EPHA3: variants seen among roughly 807,000 people sequenced by gnomAD.
The protein encoded by EPHA3 is EPH receptor A3.
EPHA3 carries 42 observed loss-of-function variants against 107.1 expected under a neutral mutation model. The ratio of observed to expected loss-of-function variants is 0.39; its 90% CI spans 0.31 to 0.51. The LOEUF (loss-of-function observed/expected upper bound fraction) is 0.51. EPHA3 is among the 20% of genes least tolerant of loss of function. The pLI is 0.78. For synonymous variants in EPHA3, 461 were observed against 424.8 expected (o/e 1.09, Z -1.05); for missense variants, 1,183 against 1,211.2 (o/e 0.98, Z 0.35).
intron 5 of EPHA3, among the ~76,000 whole-genome samples, chr3:89,345,396 A>G (rs1402638950): frequency 2.0e-5 from 3 of 151,246 alleles, no homozygotes; most frequent in Non-Finnish European, 4.4e-5. Context: ...AATTTCTATC[A>G]AAAAATTGGA....
chr3:89,416,371 C>A (rs904191068), intron 10 of EPHA3, among the ~76,000 whole-genome samples: 7 of 151,426 alleles, frequency 4.6e-5, no homozygotes, highest in Non-Finnish European at 1.5e-5. Flanking sequence ...TTGAATAAGA[C>A]AATATAAAAC....
At chr3:89,454,841 T>TA (rs1321263747) in intron 15 of EPHA3, among the ~76,000 whole-genome samples, 2 of 151,912 alleles carry the variant, frequency 1.3e-5, no homozygotes, top group Non-Finnish European at 2.9e-5. Flanking sequence ...AATTTTTTTT[T>TA]AAATGGGCCA....
intron 7 of EPHA3, among the ~76,000 whole-genome samples, chr3:89,402,619 A>C (rs1708987023): frequency 6.6e-6 from 1 of 152,124 alleles, no homozygotes; most frequent in African/African-American, 2.4e-5. Context: ...TTTTTTTAAA[A>C]AATAGACATA....
intron 3 of EPHA3, among the ~76,000 whole-genome samples, chr3:89,247,624 T>A (rs1332137743): frequency 6.6e-6 from 1 of 152,048 alleles, no homozygotes; most frequent in African/African-American, 2.4e-5. Flanking sequence ...AAAAGAAGTC[T>A]AGGTAATGCT....
intron 3 of EPHA3, among the ~76,000 whole-genome samples, chr3:89,270,852 A>C (rs1366748148): frequency 6.6e-6 from 1 of 152,022 alleles, no homozygotes; most frequent in African/African-American, 2.4e-5. Context: ...AGAGAAAAGA[A>C]AAAGTTATTA....
intron 3 of EPHA3, among the ~76,000 whole-genome samples, chr3:89,278,071 C>T (rs1705852642): frequency 6.6e-6 from 1 of 152,080 alleles, no homozygotes; most frequent in Admixed American, 6.6e-5. Context: ...TGCAAGTTGC[C>T]TTTCTAAAAA....
intron 1 of EPHA3, among the ~76,000 whole-genome samples, chr3:89,115,174 T>C (rs1707222672): frequency 6.6e-6 from 1 of 152,174 alleles, no homozygotes; most frequent in South Asian, 2.1e-4. Flanking sequence ...TTTCTAACCC[T>C]ATCCCTTTAC....
chr3:89,196,787 A>G (rs1337490730), intron 2 of EPHA3, among the ~76,000 whole-genome samples: 1 of 152,034 alleles, frequency 6.6e-6, no homozygotes, highest in Non-Finnish European at 1.5e-5. Context: ...TGGTTTTTGT[A>G]CTGGGAGTGG....
At chr3:89,146,697 T>G (rs1274505069) in intron 2 of EPHA3, among the ~76,000 whole-genome samples, 14 of 152,014 alleles carry the variant, frequency 9.2e-5, no homozygotes, top group Admixed American at 9.2e-4. Flanking sequence ...TTTTGGTGTT[T>G]TAGTCATGAA....
chr3:89,111,756 T>A (rs1453087720), intron 1 of EPHA3, among the ~76,000 whole-genome samples: 1 of 152,104 alleles, frequency 6.6e-6, no homozygotes, highest in Non-Finnish European at 1.5e-5. Flanking sequence ...TGAATCTATA[T>A]CTTTGTAAAG....
intron 5 of EPHA3, among the ~76,000 whole-genome samples, chr3:89,379,863 T>C (rs1442439698): frequency 6.6e-6 from 1 of 152,184 alleles, no homozygotes; most frequent in East Asian, 1.9e-4. Flanking sequence ...ATTTCCAAAA[T>C]CTGATTTCCA....
chr3:89,286,002 C>G (rs1706073412), intron 3 of EPHA3, among the ~76,000 whole-genome samples: 1 of 152,032 alleles, frequency 6.6e-6, no homozygotes, highest in Non-Finnish European at 1.5e-5. Context: ...ATATGGTGAT[C>G]TTGTTAGTTC....
chr3:89,339,769 T>C (rs1347941534), intron 3 of EPHA3, among the ~76,000 whole-genome samples: 1 of 152,180 alleles, frequency 6.6e-6, no homozygotes, highest in Middle Eastern at 3.2e-3. Context: ...TTCTAGAATG[T>C]AATGACCATC....
rs1487299004 is a variant in EPHA3 at position 89,238,598 on chromosome 3, GT to G, written c.814+28083del. ...CTTTAGGAAAGTATTTCATTTTACTGTTTTTAAAATGTGGATAATTGTCATT... is the reference window on the plus strand; with the variant it reads ...CTTTAGGAAAGTATTTCATTTTACTGTTTTAAAATGTGGATAATTGTCATT... On this transcript the variant is annotated intron_variant, in intron 3 of 16. Coordinates refer to ENST00000336596, the MANE Select transcript of EPHA3 (RefSeq NM_005233.6). 3.9e-5 allele frequency among the ~76,000 whole-genome samples: 6 copies of G among 152,062 alleles called. No homozygotes were observed. The South Asian group carries it at 1.0e-3, about 26-fold the overall frequency.
chr3:89,265,264 G>T (rs1705509713), intron 3 of EPHA3, among the ~76,000 whole-genome samples: 1 of 152,096 alleles, frequency 6.6e-6, no homozygotes, highest in Non-Finnish European at 1.5e-5. Context: ...ATAGAGCATA[G>T]CATTTATTTA....
chr3:89,378,012 A>G (rs1298051540), intron 5 of EPHA3, among the ~76,000 whole-genome samples: 2 of 152,172 alleles, frequency 1.3e-5, no homozygotes, highest in Admixed American at 6.6e-5. Context: ...ATTGGCAAGA[A>G]CAGAAAACCA....
At chr3:89,347,858 A>G (rs1007127477) in intron 5 of EPHA3, among the ~76,000 whole-genome samples, 1 of 151,220 alleles carries the variant, frequency 6.6e-6, no homozygotes, top group African/African-American at 2.4e-5. Flanking sequence ...CTTTTTCTGC[A>G]TCTATTGAGA....
chr3:89,403,903 ATAGTAGGTACTCAC>A (rs1363250778), intron 7 of EPHA3, among the ~76,000 whole-genome samples: 1 of 152,190 alleles, frequency 6.6e-6, no homozygotes, highest in African/African-American at 2.4e-5. Flanking sequence ...ATAGCCTCAT[ATAGTAGGTACTCAC>A]TGTGCATGTG....
At chr3:89,182,558 A>G (rs1269259249) in intron 2 of EPHA3, among the ~76,000 whole-genome samples, 3 of 151,956 alleles carry the variant, frequency 2.0e-5, no homozygotes, top group Admixed American at 6.6e-5. Flanking sequence ...TTATGTCATG[A>G]AAAGGAAAAT....
Sources: allele counts gnomAD v4.1 joint callset (sites outside exome capture counted in the v4.1 genomes callset), GRCh38; gene constraint gnomAD v4.1.1; transcripts MANE v1.5; gene names NCBI Gene and HGNC (gene_info 2026-07-23, HGNC 2026-07-21).